Variants in DLD observed in about 807,000 individuals in gnomAD.
DLD encodes the protein dihydrolipoamide dehydrogenase.
A neutral mutation model predicts 62.2 loss-of-function variants in DLD; 36 were observed. The observed-to-expected ratio is 0.58, with a 90% CI of 0.44 to 0.76. DLD has a LOEUF of 0.76. Among genes scored for constraint, DLD ranks in the 30% least tolerant of loss-of-function variants. The pLI is 0.00. For synonymous variants in DLD, 204 were observed against 199.6 expected (o/e 1.02, Z -0.19); for missense variants, 541 against 608.6 (o/e 0.89, Z 1.17).
At chr7:107,894,116 G>T (rs1224904466) in intron 2 of DLD, among the ~76,000 whole-genome samples, 1 of 152,078 alleles carries the variant, frequency 6.6e-6, no homozygotes, top group Non-Finnish European at 1.5e-5. Context: ...TCCCATAAAG[G>T]ATATGCATTT....
chr7:107,891,266 C>T lies in DLD; in HGVS notation c.16C>T (p.Arg6Cys), dbSNP rs147628793. The T allele has an allele frequency of 3.1e-6, 5 of 1,614,004 alleles. No homozygotes were observed. Among genetic ancestry groups the T allele is most frequent in the African/African-American group, 1.3e-5 (1 of 74,946 alleles). The change falls in exon 1 of 14, where the codon CGT becomes TGT. Residue 6 changes from arginine (R) to cysteine (C), a missense_variant. Arg to Cys is a radical substitution (Grantham distance 180). Transcript: ENST00000205402. ...CAGCGGAAAAATGCAGAGCTGGAGT[C>T]GTGTGTACTGCTCCTTGGCCAAGGT... MQSWSRVYCSLAKRGH... is the reference protein window; with the variant it reads MQSWSCVYCSLAKRGH...
chr7:107,911,427 G>C (rs1248867911), intron 8 of DLD, among the ~76,000 whole-genome samples: 5 of 152,104 alleles, frequency 3.3e-5, no homozygotes, highest in Non-Finnish European at 7.4e-5. Context: ...AGACTATTAT[G>C]AATGACACTG....
chr7:107,894,393 A>G (rs531450382), intron 2 of DLD, among the ~76,000 whole-genome samples: 1 of 152,302 alleles, frequency 6.6e-6, no homozygotes, highest in Non-Finnish European at 1.5e-5. Flanking sequence ...ATCATTTTGG[A>G]TATTTTATTT....
chr7:107,899,641 G>A (rs2031827495), intron 2 of DLD, among the ~76,000 whole-genome samples: 1 of 151,896 alleles, frequency 6.6e-6, no homozygotes. Context: ...AATTATAGCA[G>A]TAATATATGT....
intron 2 of DLD, among the ~76,000 whole-genome samples, chr7:107,897,701 C>G (rs1288662829): frequency 1.3e-5 from 2 of 151,464 alleles, no homozygotes; most frequent in African/African-American, 4.9e-5. Flanking sequence ...GCCTCAGCCT[C>G]CTGAGTAGCT....
At chr7:107,894,589 A>G (rs909891757) in intron 2 of DLD, among the ~76,000 whole-genome samples, 6 of 152,256 alleles carry the variant, frequency 3.9e-5, no homozygotes, top group African/African-American at 1.4e-4. Flanking sequence ...CTCAACTCAT[A>G]TAACAGGAGA....
At chr7:107,901,471 TGTGA>T (rs1345063263) in intron 2 of DLD, among the ~76,000 whole-genome samples, 1 of 152,152 alleles carries the variant, frequency 6.6e-6, no homozygotes, top group African/African-American at 2.4e-5. Flanking sequence ...GTGAATACAA[TGTGA>T]GTGTTACAGA....
chr7:107,899,335 G>A (rs2031816952), intron 2 of DLD, among the ~76,000 whole-genome samples: 1 of 149,514 alleles, frequency 6.7e-6, no homozygotes, highest in African/African-American at 2.5e-5. Context: ...AGTGAGAGAG[G>A]AGCTCTTGAA....
chr7:107,915,785 G>T, intron 9 of DLD, 89 bp downstream of exon 9: 1 of 1,196,416 alleles, frequency 8.4e-7, no homozygotes, highest in South Asian at 1.3e-5. Context: ...CAAATATAGG[G>T]TTTTTTCTAA....
chr7:107,916,693 G>A, intron 9 of DLD, 101 bp from the exon 10 acceptor site: 1 of 1,256,416 alleles, frequency 8.0e-7, no homozygotes, highest in Non-Finnish European at 1.2e-6. Flanking sequence ...AAACAAAAAT[G>A]AAAATGTCAT....
At chr7:107,915,467 A>C (rs1233528223) in intron 8 of DLD, 39 bp from the exon 9 acceptor site, 1 of 1,602,544 alleles carries the variant, frequency 6.2e-7, no homozygotes, top group Non-Finnish European at 8.5e-7. Context: ...TTGCTATAGA[A>C]ACTTTTATGA....
chr7:107,919,232 G>A lies in DLD; in HGVS notation c.1503G>A (p.Ala501=), dbSNP rs766286119. 1.2e-5 allele frequency: 19 copies of A among 1,612,340 alleles called. No homozygotes were observed. Among genetic ancestry groups the A allele is most frequent in the South Asian group, 6.6e-5 (6 of 90,922 alleles). ...CTTTTAGAGAAGCAAATCTTGCTGC[G>A]TCATTTGGCAAATCAATCAACTTTT... ...SEAFREANLA[A]SFGKSINF is the part of the protein sequence containing the mutation. The change falls in exon 14 of 14, where the codon GCG becomes GCA. Residue 501 remains alanine, a synonymous_variant. Transcript: ENST00000205402.
chr7:107,907,282 A>T (rs2032031472), intron 8 of DLD, among the ~76,000 whole-genome samples: 1 of 152,246 alleles, frequency 6.6e-6, no homozygotes, highest in South Asian at 2.1e-4. Context: ...CACCCTACTC[A>T]TTGGTACTTG....
intron 2 of DLD, among the ~76,000 whole-genome samples, chr7:107,898,344 G>A (rs959553659): frequency 4.6e-5 from 6 of 130,086 alleles, no homozygotes; most frequent in Non-Finnish European, 6.2e-5. Context: ...TCAGTGACAC[G>A]ATTTCAGTTC....
intron 2 of DLD, among the ~76,000 whole-genome samples, chr7:107,895,747 A>C (rs1457762851): frequency 1.3e-5 from 2 of 152,206 alleles, no homozygotes; most frequent in African/African-American, 4.8e-5. Context: ...ATGGTCACAT[A>C]ATTCTTTCCT....
At chr7:107,911,738 C>T (rs576045095) in intron 8 of DLD, among the ~76,000 whole-genome samples, 2 of 150,928 alleles carry the variant, frequency 1.3e-5, no homozygotes, top group African/African-American at 4.9e-5. Context: ...AATAGATGTA[C>T]TTTTTTCAAG....
chr7:107,906,627 T>C (rs2032015315), intron 8 of DLD, among the ~76,000 whole-genome samples: 1 of 152,234 alleles, frequency 6.6e-6, no homozygotes, highest in Non-Finnish European at 1.5e-5. Context: ...TCGAATTCTT[T>C]TTTAATATGA....
chr7:107,898,736 GC>G (rs2031800243), intron 2 of DLD, among the ~76,000 whole-genome samples: 1 of 151,838 alleles, frequency 6.6e-6, no homozygotes, highest in Non-Finnish European at 1.5e-5. Context: ...GACTACAGGT[GC>G]CTGCCACCAC....
intron 5 of DLD, chr7:107,903,836 A>G (rs1459335796): frequency 3.5e-6 from 1 of 286,970 alleles, no homozygotes; most frequent in Non-Finnish European, 6.7e-6. Context: ...GTTTTTGAAG[A>G]GTCAGTTTTC....
Sources: allele counts gnomAD v4.1 joint callset (sites outside exome capture counted in the v4.1 genomes callset), GRCh38; gene constraint gnomAD v4.1.1; transcripts MANE v1.5; gene names NCBI Gene and HGNC (gene_info 2026-07-23, HGNC 2026-07-21).